Variants in KPNA5 observed in about 807,000 individuals in gnomAD.
The protein encoded by KPNA5 is karyopherin subunit alpha 5.
Under a neutral mutation model 71.3 loss-of-function variants are expected in KPNA5, and 46 were observed. The ratio of observed to expected loss-of-function variants is 0.65; its 90% CI spans 0.51 to 0.83. The LOEUF is 0.83. Ranked by LOEUF, KPNA5 falls within the 40% of genes least tolerant of loss-of-function variation. The pLI is 0.00. For synonymous variants in KPNA5, 207 were observed against 201.4 expected (o/e 1.03, Z -0.24); for missense variants, 547 against 628.3 (o/e 0.87, Z 1.38).
intron 7 of KPNA5, among the ~76,000 whole-genome samples, chr6:116,710,444 C>T (rs1249527974): frequency 4.0e-5 from 6 of 151,862 alleles, no homozygotes; most frequent in Admixed American, 6.6e-5. Flanking sequence ...ATGGGGTACA[C>T]GCGGTGTTTT....
intron 1 of KPNA5, 87 bp downstream of exon 1, chr6:116,681,425 A>G (rs1777349868): frequency 1.4e-6 from 2 of 1,462,856 alleles, no homozygotes; most frequent in South Asian, 1.4e-5. Context: ...CACGGTTTTT[A>G]TTTACCCCTT....
intron 1 of KPNA5, 189 bp downstream of exon 1, chr6:116,681,527 C>G: frequency 7.4e-7 from 1 of 1,352,136 alleles, no homozygotes; most frequent in Non-Finnish European, 9.5e-7. Flanking sequence ...GCAGCCGGAC[C>G]TTTCCCTTGC....
chr6:116,723,985 CA>C (rs958767614), intron 9 of KPNA5, among the ~76,000 whole-genome samples: 4 of 152,130 alleles, frequency 2.6e-5, no homozygotes, highest in South Asian at 2.1e-4. Context: ...ATCCCCCAGC[CA>C]AAGTATATAA....
At chr6:116,729,438 CT>C in intron 12 of KPNA5, 124 bp from the exon 13 acceptor site, 3 of 551,828 alleles carry the variant, frequency 5.4e-6, no homozygotes. Context: ...TATAGGAATA[CT>C]TTTTCTTAAT....
rs1779828264 is a variant in KPNA5 at position 116,740,370 on chromosome 6, A to T, written c.*8047A>T. The T allele has an allele frequency of 2.0e-5, 3 of 152,190 alleles. No individual in the cohort carries two copies. The South Asian group carries it at 6.2e-4, about 32-fold the overall frequency. The allele number at this position is 152,190 out of a possible 1,614,324, so 9.4% of individuals were successfully genotyped here. ...CAGGTGCTGGAGAGGATGTGGAGAA[A>T]TAGGAACACTTTTACACTGTTGGTG... On this transcript the variant is annotated 3_prime_UTR_variant, in exon 14 of 14. Transcript: ENST00000368564.
intron 9 of KPNA5, among the ~76,000 whole-genome samples, chr6:116,722,605 A>C (rs1779151411): frequency 6.6e-6 from 1 of 152,222 alleles, no homozygotes; most frequent in South Asian, 2.1e-4. Context: ...GACATTAATG[A>C]AGTATAGAAC....
chr6:116,730,733 C>A (rs1779451163), intron 13 of KPNA5, among the ~76,000 whole-genome samples: 2 of 152,002 alleles, frequency 1.3e-5, no homozygotes, highest in African/African-American at 4.8e-5. Context: ...AAATAGTACA[C>A]CAAGTTGCTT....
In KPNA5 at chr6:116,732,119, T is replaced by TATATATATATATATATAC. The variant is rs1779519152; in HGVS notation, c.1433-14_1433-13insTATATATATATATACATA. The TATATATATATATATATAC allele has an allele frequency of 2.0e-6, 1 of 502,736 alleles. No homozygotes were observed. The highest frequency in any genetic ancestry group is 3.2e-6 in the Non-Finnish European group (1 of 308,796). 31.1% of individuals were successfully genotyped at this position (502,736 alleles called of 1,614,324 possible). A position where few individuals can be genotyped will look rare whatever the true frequency, so the allele number is the denominator to read the frequency against. On this transcript the variant is annotated splice_polypyrimidine_tract_variant and intron_variant, in intron 13 of 13. Transcript: ENST00000368564. ...ATATATATATATATATATATATATA[T>TATATATATATATATATAC]ATACTTTGTATAACAGGTCTGGATA... is the stretch of plus-strand genomic sequence containing the variant.
intron 5 of KPNA5, among the ~76,000 whole-genome samples, chr6:116,699,249 G>A (rs1778142833): frequency 6.6e-6 from 1 of 151,892 alleles, no homozygotes; most frequent in Non-Finnish European, 1.5e-5. Context: ...AGGTAAGTTT[G>A]TCATAAAGAA....
At position 116,740,410 on chromosome 6, in the gene KPNA5, T is replaced by C. The variant is rs1779831724; in HGVS notation, c.*8087T>C. ...CACTGTTGGTGGGACTGTAAACTAG[T>C]TCAAGCATTGTGGAAGTCAGTTTGG... On this transcript the variant is annotated 3_prime_UTR_variant, in exon 14 of 14. Transcript: ENST00000368564. 6.6e-6 allele frequency: 1 copy of C among 152,192 alleles called. No individual in the cohort carries two copies. Among genetic ancestry groups the C allele is most frequent in the African/African-American group, 2.4e-5 (1 of 41,442 alleles). 9.4% of individuals were successfully genotyped at this position (152,192 alleles called of 1,614,324 possible). A position where few individuals can be genotyped will look rare whatever the true frequency, so the allele number is the denominator to read the frequency against.
chr6:116,681,442 C>A (rs1434548361), intron 1 of KPNA5, 104 bp downstream of exon 1: 42 of 1,446,958 alleles, frequency 2.9e-5, no homozygotes, highest in Non-Finnish European at 3.7e-5. Flanking sequence ...CCTTACTTTG[C>A]GAAGGTCTCT....
chr6:116,729,810 T>A, intron 13 of KPNA5, 69 bp downstream of exon 13: 1 of 1,018,468 alleles, frequency 9.8e-7, no homozygotes, highest in Non-Finnish European at 1.3e-6. Flanking sequence ...CCCTTCCAGT[T>A]CCCTACAATT....
chr6:116,697,653 T>C (rs1435022866), intron 4 of KPNA5, among the ~76,000 whole-genome samples: 1 of 151,964 alleles, frequency 6.6e-6, no homozygotes, highest in African/African-American at 2.4e-5. Flanking sequence ...CACAGTCAAA[T>C]AGAGGAAGTA....
Position 116,732,378 on chromosome 6 carries a change from C to T in KPNA5, c.*55C>T. 2 of 953,372 alleles carry T rather than the reference C, an allele frequency of 2.1e-6. No individual in the cohort carries two copies. The allele number at this position is 953,372 out of a possible 1,614,324, so 59.1% of individuals were successfully genotyped here. On this transcript the variant is annotated 3_prime_UTR_variant, in exon 14 of 14. Transcript: ENST00000368564. ...AAAAGGGTAGCTTCAGGTAACTCCT[C>T]TTTGTTGCCAATGTAAGAATGTTTG...
chr6:116,698,578 G>A (rs1473837985), intron 4 of KPNA5, 126 bp from the exon 5 acceptor site: 17 of 588,340 alleles, frequency 2.9e-5, no homozygotes, highest in Non-Finnish European at 5.1e-5. Context: ...ATCTAGCTAA[G>A]GGTTTTAATC....
At chr6:116,694,283 A>G (rs187520251) in intron 4 of KPNA5, among the ~76,000 whole-genome samples, 6 of 152,206 alleles carry the variant, frequency 3.9e-5, no homozygotes, top group Admixed American at 1.3e-4. Flanking sequence ...GAAAGTCATT[A>G]ATAGCTTGAT....
Position 116,726,507 on chromosome 6 carries a change from G to A in KPNA5, c.1138G>A (p.Ala380Thr), listed in dbSNP as rs138510376. Residue 380 changes from alanine to threonine, a missense_variant, in exon 12 of 14, where the codon GCA becomes ACA. Coordinates refer to ENST00000368564, the MANE Select transcript of KPNA5 (RefSeq NM_001366306.2). ...NRAQIQAVID[A>T]NIFPVLIEIL... ...TTCCCCCTCTCAGGCTGTTATAGAT[G>A]CAAATATTTTTCCTGTTTTGATTGA... The A allele has an allele frequency of 2.5e-6, 4 of 1,610,940 alleles. No individual in the cohort carries two copies. The highest frequency in any genetic ancestry group is 2.7e-5 in the African/African-American group (2 of 74,762).
chr6:116,725,650 C>T, intron 10 of KPNA5, 101 bp from the exon 11 acceptor site: 1 of 1,071,928 alleles, frequency 9.3e-7, no homozygotes, highest in Non-Finnish European at 1.3e-6. Flanking sequence ...CTTAATTTCA[C>T]TTTCTAGAAT....
At chr6:116,718,169 A>G (rs529667842) in intron 8 of KPNA5, among the ~76,000 whole-genome samples, 2 of 152,138 alleles carry the variant, frequency 1.3e-5, no homozygotes, top group East Asian at 3.9e-4. Context: ...CCCTCACCCC[A>G]TGAGTATACC....
Sources: allele counts gnomAD v4.1 joint callset (sites outside exome capture counted in the v4.1 genomes callset), GRCh38; gene constraint gnomAD v4.1.1; transcripts MANE v1.5; gene names NCBI Gene and HGNC (gene_info 2026-07-23, HGNC 2026-07-21).